GRID2: variants seen among roughly 807,000 people sequenced by gnomAD.
GRID2 encodes glutamate receptor ionotropic, delta-2.
Under a neutral mutation model 114.8 loss-of-function variants are expected in GRID2, and 33 were observed. The observed-to-expected ratio is 0.29, with a 90% confidence interval of 0.22 to 0.38. GRID2 has a LOEUF of 0.38. GRID2 is among the 10% of genes least tolerant of loss of function. GRID2 has a pLI of 1.00. For synonymous variants in GRID2, 505 were observed against 449.9 expected, an observed-to-expected ratio of 1.12 and a Z score of -1.55; for missense variants, 1,184 against 1,257.7, an observed-to-expected ratio of 0.94 and a Z score of 0.89.
intron 2 of GRID2, among the ~76,000 whole-genome samples, chr4:92,642,599 A>G: frequency 1.3e-5 from 2 of 151,572 alleles, no homozygotes; most frequent in East Asian, 3.9e-4. Context: ...TACTCTGTTT[A>G]TAGTCTTTTT....
At chr4:92,867,084 A>C (rs1291725947) in intron 2 of GRID2, among the ~76,000 whole-genome samples, 2 of 152,202 alleles carry the variant, frequency 1.3e-5, no homozygotes, top group African/African-American at 2.4e-5. Flanking sequence ...AAGAAATTTA[A>C]GAATACCGAT....
At chr4:92,537,492 T>G (rs1293607670) in intron 1 of GRID2, among the ~76,000 whole-genome samples, 2 of 152,184 alleles carry the variant, frequency 1.3e-5, no homozygotes, top group Non-Finnish European at 2.9e-5. Flanking sequence ...TTAAAGCAGT[T>G]GTTTTAATTG....
rs1746880821 is a variant in GRID2, at chr4:92,892,788, C to G, written c.245-192207C>G. Among the ~76,000 whole-genome samples the G allele has an allele frequency of 2.0e-5, 3 of 152,050 alleles. No individual in the cohort carries two copies. In the South Asian group the frequency reaches 6.2e-4, roughly 32 times the overall value. On this transcript the variant is annotated intron_variant, in intron 2 of 15. Coordinates refer to ENST00000282020, the MANE Select transcript of GRID2 (RefSeq NM_001510.4). Reference sequence around the variant, plus strand: ...ATGATAAAATAGTATGTGGTCTTGCCAAATGATCTACTCTTCTACTGTGAA... The same window carrying G: ...ATGATAAAATAGTATGTGGTCTTGCGAAATGATCTACTCTTCTACTGTGAA...
At chr4:92,719,718 A>G (rs1168719123) in intron 2 of GRID2, among the ~76,000 whole-genome samples, 2 of 152,118 alleles carry the variant, frequency 1.3e-5, no homozygotes, top group Non-Finnish European at 2.9e-5. Flanking sequence ...GGTACAAATG[A>G]GAACTACAGG....
chr4:93,206,561 T>C (rs1379796207), intron 4 of GRID2, among the ~76,000 whole-genome samples: 1 of 150,036 alleles, frequency 6.7e-6, no homozygotes, highest in African/African-American at 2.5e-5. Flanking sequence ...TTTATTAGCG[T>C]AGAAACCTTC....
intron 13 of GRID2, among the ~76,000 whole-genome samples, chr4:93,594,883 A>G (rs919300716): frequency 3.9e-5 from 6 of 152,200 alleles, no homozygotes; most frequent in South Asian, 2.1e-4. Flanking sequence ...GCGCTTCCCG[A>G]GTGAGGCAAT....
intron 8 of GRID2, among the ~76,000 whole-genome samples, chr4:93,244,906 A>T (rs1217188265): frequency 1.3e-5 from 2 of 151,842 alleles, no homozygotes; most frequent in East Asian, 3.9e-4. Flanking sequence ...AACTGATATT[A>T]TATCAGTCTT....
intron 1 of GRID2, among the ~76,000 whole-genome samples, chr4:93,784,071 CA>C (rs70942993): frequency 0.079 from 3,052 of 38,744 alleles, 5 homozygotes; most frequent in South Asian, 0.13. Context: ...GACTCCGTCT[CA>C]AAAAAAAAAA....
At chr4:93,202,337 G>A (rs1742197248) in intron 4 of GRID2, among the ~76,000 whole-genome samples, 1 of 152,042 alleles carries the variant, frequency 6.6e-6, no homozygotes. Flanking sequence ...TTCACACAAT[G>A]AGCCCAAACA....
At chr4:93,159,202 C>T (rs1349112968) in intron 4 of GRID2, among the ~76,000 whole-genome samples, 1 of 151,630 alleles carries the variant, frequency 6.6e-6, no homozygotes, top group East Asian at 1.9e-4. Flanking sequence ...GATGATTGTA[C>T]TTGTACTGGT....
intron 1 of GRID2, among the ~76,000 whole-genome samples, chr4:92,580,223 C>A (rs11730247): frequency 0.14 from 20,551 of 151,038 alleles, 2,228 homozygotes; most frequent in African/African-American, 0.3. Flanking sequence ...TTTTACATGG[C>A]AATTCCCTGG....
chr4:93,448,127 G>T (rs2149400739), intron 10 of GRID2, among the ~76,000 whole-genome samples: 1 of 151,660 alleles, frequency 6.6e-6, no homozygotes, highest in Non-Finnish European at 1.5e-5. Flanking sequence ...AAAAATGAAA[G>T]AATGGTATTA....
intron 2 of GRID2, among the ~76,000 whole-genome samples, chr4:92,929,952 G>C (rs896449440): frequency 1.3e-5 from 2 of 151,268 alleles, no homozygotes; most frequent in Admixed American, 1.3e-4. Flanking sequence ...TCTTAGGTAT[G>C]TAAAACACTT....
At chr4:93,024,099 G>A (rs543801253) in intron 2 of GRID2, among the ~76,000 whole-genome samples, 3 of 151,852 alleles carry the variant, frequency 2.0e-5, no homozygotes, top group South Asian at 2.1e-4. Flanking sequence ...AGCCAGATAC[G>A]GAATTATATT....
intron 4 of GRID2, among the ~76,000 whole-genome samples, chr4:93,149,581 A>C (rs1736559104): frequency 6.6e-6 from 1 of 151,672 alleles, no homozygotes; most frequent in East Asian, 1.9e-4. Flanking sequence ...ATCAAAAAAA[A>C]AAAACAAAAA....
At chr4:93,042,905 A>T (rs1725739154) in intron 2 of GRID2, among the ~76,000 whole-genome samples, 1 of 151,774 alleles carries the variant, frequency 6.6e-6, no homozygotes, top group African/African-American at 2.4e-5. Flanking sequence ...CAACAAAGAG[A>T]CCAGTATTGC....
chr4:92,644,336 A>G (rs1160195390), intron 2 of GRID2, among the ~76,000 whole-genome samples: 11 of 151,774 alleles, frequency 7.2e-5, no homozygotes, highest in Non-Finnish European at 1.0e-4. Flanking sequence ...TGATATCAAT[A>G]TGCTTCTCCA....
chr4:92,440,700 C>T (rs1733004611), intron 1 of GRID2, among the ~76,000 whole-genome samples: 1 of 152,016 alleles, frequency 6.6e-6, no homozygotes, highest in Admixed American at 6.5e-5. Context: ...GGTGATTAGG[C>T]CTGGTGGAAC....
At chr4:93,141,028 G>A (rs1735725472) in intron 4 of GRID2, among the ~76,000 whole-genome samples, 1 of 152,084 alleles carries the variant, frequency 6.6e-6, no homozygotes, top group Non-Finnish European at 1.5e-5. Flanking sequence ...CAAAGTTTCA[G>A]TACTTCTGCT....
Sources: allele counts gnomAD v4.1 joint callset (sites outside exome capture counted in the v4.1 genomes callset), GRCh38; gene constraint gnomAD v4.1.1; transcripts MANE v1.5; gene names NCBI Gene and HGNC (gene_info 2026-07-23, HGNC 2026-07-21).